The following TIAM1 variants were observed in gnomAD, a reference collection of about 807,000 sequenced individuals.
TIAM1 encodes the protein TIAM Rac1 associated GEF 1.
Under a neutral mutation model 163.5 loss-of-function variants are expected in TIAM1, and 65 were observed. The observed-to-expected ratio is 0.40, with a 90% CI of 0.33 to 0.49. The LOEUF (loss-of-function observed/expected upper bound fraction) is 0.49. Among genes scored for constraint, TIAM1 ranks in the 20% least tolerant of loss-of-function variants. The pLI, the probability that TIAM1 is intolerant of heterozygous loss-of-function variation, is 0.77. For synonymous variants in TIAM1, 833 were observed against 810.1 expected (o/e 1.03, Z -0.48); for missense variants, 1,789 against 2,044.7 (o/e 0.87, Z 2.41).
chr21:31,165,526 AG>A (rs763860056), intron 15 of TIAM1, among the ~76,000 whole-genome samples: 1 of 152,190 alleles, frequency 6.6e-6, no homozygotes, highest in Non-Finnish European at 1.5e-5. Context: ...AGCCAGGAAA[AG>A]AGCCCTCACC....
chr21:31,529,110 G>A lies in TIAM1; in HGVS notation c.-422+29817C>T, dbSNP rs1056910088. ...ATTTTTTTGTATTTTTAGTAGAGAC[G>A]GGGTTTCACCGTGTTAGCCAGGATG... On this transcript the variant is annotated intron_variant, in intron 1 of 28. Transcript: ENST00000286827. Among the ~76,000 whole-genome samples, 4 of 151,394 alleles carry A rather than the reference G, an allele frequency of 2.6e-5. No individual in the cohort carries two copies. In the East Asian group the frequency reaches 6.0e-4, roughly 23 times the overall value.
exon 2 of TIAM1, chr21:31,463,987 T>A (rs369517815): frequency 1.3e-5 from 2 of 152,196 alleles, no homozygotes; most frequent in African/African-American, 4.8e-5. Context: ...GCTCACCATA[T>A]GACCGTCAGG....
At chr21:31,424,630 C>T (rs1222956761) in intron 2 of TIAM1, among the ~76,000 whole-genome samples, 2 of 152,088 alleles carry the variant, frequency 1.3e-5, no homozygotes, top group Admixed American at 6.6e-5. Context: ...TTGCCAGGGG[C>T]TGGGGGAGCA....
chr21:31,282,768 T>C (rs550802780), intron 2 of TIAM1, among the ~76,000 whole-genome samples: 22 of 152,262 alleles, frequency 1.4e-4, no homozygotes, highest in African/African-American at 5.3e-4. Flanking sequence ...ATGAATGAAA[T>C]AGTTTTAGCC....
chr21:31,183,635 C>G (rs1453692767), intron 14 of TIAM1, among the ~76,000 whole-genome samples: 1 of 152,138 alleles, frequency 6.6e-6, no homozygotes, highest in Non-Finnish European at 1.5e-5. Context: ...TCTCGCTTCC[C>G]AGCTTCACAG....
At chr21:31,373,569 G>A (rs2076635369) in intron 2 of TIAM1, among the ~76,000 whole-genome samples, 1 of 152,146 alleles carries the variant, frequency 6.6e-6, no homozygotes, top group Non-Finnish European at 1.5e-5. Context: ...TATGCCTTGA[G>A]CACCTAACAT....
intron 10 of TIAM1, chr21:31,212,908 G>A (rs138218913): frequency 1.7e-4 from 26 of 154,096 alleles, no homozygotes; most frequent in East Asian, 7.6e-4. Flanking sequence ...ACACCCGGCC[G>A]AATCTTTAAT....
chr21:31,421,077 G>A (rs1048528760), intron 2 of TIAM1, among the ~76,000 whole-genome samples: 2 of 151,188 alleles, frequency 1.3e-5, no homozygotes, highest in Non-Finnish European at 2.9e-5. Context: ...AGTGCAGTGA[G>A]CCGAGATCAT....
intron 2 of TIAM1, among the ~76,000 whole-genome samples, chr21:31,387,778 G>A (rs370183214): frequency 5.9e-5 from 9 of 152,038 alleles, no homozygotes; most frequent in African/African-American, 2.2e-4. Flanking sequence ...GGAGGAGGTG[G>A]GCCTGGAGGG....
intron 2 of TIAM1, among the ~76,000 whole-genome samples, chr21:31,315,331 G>A (rs935803472): frequency 1.5e-4 from 23 of 151,972 alleles, no homozygotes; most frequent in Admixed American, 2.0e-4. Context: ...TGGCTAACAC[G>A]GTGAAACCCC....
intron 2 of TIAM1, among the ~76,000 whole-genome samples, chr21:31,338,170 T>C (rs1188142457): frequency 6.6e-6 from 1 of 152,216 alleles, no homozygotes; most frequent in Non-Finnish European, 1.5e-5. Context: ...TGCGTCTGGA[T>C]GCAGGCAGAG....
intron 6 of TIAM1, among the ~76,000 whole-genome samples, chr21:31,229,181 G>GA (rs2088247735): frequency 1.3e-5 from 2 of 152,148 alleles, no homozygotes; most frequent in Admixed American, 6.5e-5. Flanking sequence ...GCAATGGGTA[G>GA]AATCTGGTAA....
chr21:31,333,190 G>A (rs933710381), intron 2 of TIAM1, among the ~76,000 whole-genome samples: 10 of 152,318 alleles, frequency 6.6e-5, no homozygotes, highest in Non-Finnish European at 1.2e-4. Flanking sequence ...CAGCTGCCCC[G>A]AGGGCTGAGG....
rs565679627 is a variant in TIAM1, at chr21:31,498,504, A to G, written c.-421-34469T>C. Among the ~76,000 whole-genome samples, 10 of 152,354 alleles carry G rather than the reference A, an allele frequency of 6.6e-5. No individual in the cohort carries two copies. In the East Asian group the frequency reaches 1.9e-3, roughly 29 times the overall value. On this transcript the variant is annotated intron_variant, in intron 1 of 28. Transcript: ENST00000286827. ...CTCTCCCAGCCAAGATCCCGGCTCC[A>G]TGACCCAGTCTCTAGTGCTTTGGGG...
intron 2 of TIAM1, among the ~76,000 whole-genome samples, chr21:31,366,810 G>C (rs1280897682): frequency 6.6e-6 from 1 of 152,182 alleles, no homozygotes; most frequent in Admixed American, 6.5e-5. Context: ...CGGAGACGGG[G>C]TTTCGCCATG....
intron 2 of TIAM1, among the ~76,000 whole-genome samples, chr21:31,321,679 C>T (rs2075319551): frequency 6.6e-6 from 1 of 151,998 alleles, no homozygotes; most frequent in African/African-American, 2.4e-5. Flanking sequence ...TAGTTCAGGA[C>T]AGAATTTTAA....
chr21:31,173,469 A>C (rs1035672057), intron 15 of TIAM1, among the ~76,000 whole-genome samples: 2 of 152,112 alleles, frequency 1.3e-5, no homozygotes, highest in African/African-American at 4.8e-5. Flanking sequence ...TAACATCAGC[A>C]TAAACACTCA....
chr21:31,451,760 T>TGTGTGTGTGTGTGA (rs1491328799), intron 2 of TIAM1, among the ~76,000 whole-genome samples: 43 of 138,216 alleles, frequency 3.1e-4, no homozygotes, highest in African/African-American at 1.3e-3. Flanking sequence ...TGTGTGTGTG[T>TGTGTGTGTGTGTGA]GAGACACAGA....
chr21:31,552,048 C>CTTTTT (rs200300720), intron 1 of TIAM1, among the ~76,000 whole-genome samples: 11 of 80,116 alleles, frequency 1.4e-4, no homozygotes, highest in Admixed American at 6.2e-4. Context: ...CTCTGCACTA[C>CTTTTT]TTTTTTTTTT....
Sources: gnomAD v4.1 joint callset for allele counts (sites outside exome capture counted in the v4.1 genomes callset) on GRCh38, gnomAD v4.1.1 for gene constraint, MANE v1.5 for transcripts, NCBI Gene and HGNC (gene_info 2026-07-23, HGNC 2026-07-21) for gene names.